ACER3: variants seen among roughly 807,000 people sequenced by gnomAD.
The protein encoded by ACER3 is alkaline ceramidase 3, also known as alkCDase 3.
A neutral mutation model predicts 48.9 loss-of-function variants in ACER3; 16 were observed. That is an observed-to-expected ratio of 0.33 (90% CI 0.22 to 0.50). The LOEUF (loss-of-function observed/expected upper bound fraction) is 0.50, where lower values mean the gene tolerates loss of function less well. Among genes scored for constraint, ACER3 ranks in the 20% least tolerant of loss-of-function variants. The pLI is 0.98. For synonymous variants in ACER3, 109 were observed against 107.8 expected (o/e 1.01, Z -0.07); for missense variants, 227 against 326.0 (o/e 0.70, Z 2.34).
chr11:76,969,078 A>C (rs1214657238), intron 3 of ACER3, among the ~76,000 whole-genome samples: 1 of 152,230 alleles, frequency 6.6e-6, no homozygotes, highest in Non-Finnish European at 1.5e-5. Flanking sequence ...ATCTACAATG[A>C]ACTCAAACAA....
chr11:76,914,179 A>G (rs1487155479), intron 1 of ACER3, among the ~76,000 whole-genome samples: 2 of 152,256 alleles, frequency 1.3e-5, no homozygotes, highest in African/African-American at 2.4e-5. Flanking sequence ...CATGGCAACA[A>G]AAGCCAAAAT....
chr11:76,863,275 G>A (rs1329712011), intron 1 of ACER3, among the ~76,000 whole-genome samples: 1 of 152,154 alleles, frequency 6.6e-6, no homozygotes, highest in Non-Finnish European at 1.5e-5. Flanking sequence ...GGTAAGTCAT[G>A]TGGACTCTGA....
intron 1 of ACER3, chr11:76,868,347 T>G: frequency 8.4e-7 from 1 of 1,187,002 alleles, no homozygotes; most frequent in Non-Finnish European, 1.1e-6. Context: ...AAGGACAAAT[T>G]GAGTGTACAA....
chr11:76,889,769 C>G (rs1945760853), intron 1 of ACER3, among the ~76,000 whole-genome samples: 1 of 151,930 alleles, frequency 6.6e-6, no homozygotes, highest in Non-Finnish European at 1.5e-5. Flanking sequence ...GTTAATTCAG[C>G]CTTATTTCTT....
chr11:76,973,935 A>G (rs568794550), intron 3 of ACER3, among the ~76,000 whole-genome samples: 3 of 152,316 alleles, frequency 2.0e-5, no homozygotes, highest in African/African-American at 7.2e-5. Flanking sequence ...TTCATTCTAT[A>G]GTACTTGGAT....
In ACER3 at chr11:76,976,185, T is replaced by G. The variant is rs537993555; in HGVS notation, c.268-104T>G. On this transcript the variant is annotated intron_variant, in intron 3 of 10. Transcript: ENST00000532485. ...TACAGGTGTGAGCCTCTGTGCCTGG[T>G]CTAAGAGCTGAAAATCTTAATCATT... is the stretch of plus-strand genomic sequence containing the variant. The G allele has an allele frequency of 4.5e-6, 4 of 888,642 alleles. No homozygotes were observed. The African/African-American group carries it at 5.0e-5, about 11-fold the overall frequency. The allele number at this position is 888,642 out of a possible 1,614,324, so 55.0% of individuals were successfully genotyped here. A position where few individuals can be genotyped will look rare whatever the true frequency, so the allele number is the denominator to read the frequency against.
intron 2 of ACER3, 85 bp from the exon 3 acceptor site, chr11:76,958,894 C>T: frequency 6.9e-7 from 1 of 1,444,014 alleles, no homozygotes; most frequent in African/African-American, 1.4e-5. Flanking sequence ...TAACTCAATG[C>T]TTTGAAATGT....
chr11:77,008,237 A>G (rs930099400), intron 7 of ACER3, among the ~76,000 whole-genome samples: 4 of 152,230 alleles, frequency 2.6e-5, no homozygotes, highest in African/African-American at 9.6e-5. Context: ...CGAATATGAA[A>G]AAGTATATCC....
Position 76,998,754 on chromosome 11 carries a change from C to A in ACER3, c.439-9C>A. 6.3e-7 allele frequency: 1 copy of A among 1,585,080 alleles called. No homozygotes were observed. The highest frequency in any genetic ancestry group is 1.2e-5 in the South Asian group (1 of 86,220). On this transcript the variant is annotated splice_polypyrimidine_tract_variant and intron_variant, in intron 6 of 10. Transcript: ENST00000532485. ...GATTGTACTAACCTCATTTTCCGTT[C>A]CTATTTAGGTCATGTATGGAATGTT...
intron 3 of ACER3, among the ~76,000 whole-genome samples, chr11:76,972,038 C>T (rs573710023): frequency 3.3e-5 from 5 of 152,298 alleles, no homozygotes; most frequent in African/African-American, 9.6e-5. Context: ...CCCTCTGAAT[C>T]GCTGTCCTGA....
intron 1 of ACER3, among the ~76,000 whole-genome samples, chr11:76,867,307 A>G (rs1182513677): frequency 6.6e-6 from 1 of 151,840 alleles, no homozygotes; most frequent in Non-Finnish European, 1.5e-5. Context: ...CGTCTCTACT[A>G]AAAATACAAA....
At chr11:76,981,735 G>A (rs1413063119) in intron 4 of ACER3, among the ~76,000 whole-genome samples, 2 of 152,144 alleles carry the variant, frequency 1.3e-5, no homozygotes, top group East Asian at 3.8e-4. Context: ...ATTCATGTAT[G>A]TTGTTACATA....
chr11:76,980,687 A>G (rs1450541026), intron 4 of ACER3, among the ~76,000 whole-genome samples: 4 of 152,184 alleles, frequency 2.6e-5, no homozygotes, highest in African/African-American at 9.6e-5. Context: ...TCAAAAAAAA[A>G]AGAAAAAGAA....
At chr11:76,878,714 G>T (rs183448391) in intron 1 of ACER3, among the ~76,000 whole-genome samples, 7 of 151,988 alleles carry the variant, frequency 4.6e-5, no homozygotes, top group Non-Finnish European at 1.0e-4. Context: ...CCAGGTTAGG[G>T]TTGGTTTATG....
At chr11:76,869,228 A>G (rs1284122860) in intron 1 of ACER3, among the ~76,000 whole-genome samples, 1 of 152,164 alleles carries the variant, frequency 6.6e-6, no homozygotes, top group Non-Finnish European at 1.5e-5. Flanking sequence ...TGATTGCTAT[A>G]GAACTGATTG....
intron 7 of ACER3, among the ~76,000 whole-genome samples, chr11:77,005,986 T>TA: frequency 2.9e-5 from 1 of 33,916 alleles, no homozygotes; most frequent in East Asian, 7.4e-4. Flanking sequence ...TATATATATA[T>TA]ATATATTTTT....
Position 76,990,582 on chromosome 11 carries a change from T to C in ACER3, c.438+8T>C. 6.9e-7 allele frequency: 1 copy of C among 1,452,230 alleles called. No homozygotes were observed. Among genetic ancestry groups the C allele is most frequent in the Non-Finnish European group, 9.7e-7 (1 of 1,035,258 alleles). 90.0% of individuals were successfully genotyped at this position (1,452,230 alleles called of 1,614,324 possible). A position where few individuals can be genotyped will look rare whatever the true frequency, so the allele number is the denominator to read the frequency against. On this transcript the variant is annotated splice_region_variant and intron_variant, in intron 6 of 10. Transcript: ENST00000532485. ...GAGCCGATATTCCATCAGGTAATTT[T>C]TTGTAAATTATTACACATTAGATTG...
chr11:76,872,050 C>T (rs1460722515), intron 1 of ACER3, among the ~76,000 whole-genome samples: 2 of 131,282 alleles, frequency 1.5e-5, no homozygotes, highest in East Asian at 2.5e-4. Context: ...ATTCATCCCC[C>T]AACTTTACCC....
chr11:76,959,528 T>G (rs1947929402), intron 3 of ACER3, among the ~76,000 whole-genome samples: 1 of 151,966 alleles, frequency 6.6e-6, no homozygotes, highest in African/African-American at 2.4e-5. Context: ...ATTATAAGGT[T>G]TTTTTTTGCA....
Sources: gnomAD v4.1 joint callset for allele counts (sites outside exome capture counted in the v4.1 genomes callset) on GRCh38, gnomAD v4.1.1 for gene constraint, MANE v1.5 for transcripts, NCBI Gene and HGNC (gene_info 2026-07-23, HGNC 2026-07-21) for gene names.